Variants in ZNF286A observed in about 807,000 individuals in gnomAD.
ZNF286A encodes zinc finger protein ZNF286.
A neutral mutation model predicts 49.3 loss-of-function variants in ZNF286A; 34 were observed. The ratio of observed to expected loss-of-function variants is 0.69; its 90% confidence interval spans 0.52 to 0.92. The LOEUF is 0.92. ZNF286A is among the 40% of genes least tolerant of loss of function. The pLI is 0.00. For synonymous variants in ZNF286A, 155 were observed against 200.4 expected (o/e 0.77, Z 1.91); for missense variants, 462 against 600.2 (o/e 0.77, Z 2.41).
intron 4 of ZNF286A, among the ~76,000 whole-genome samples, chr17:15,707,375 G>A (rs931042542): frequency 2.0e-5 from 3 of 151,088 alleles, no homozygotes; most frequent in Non-Finnish European, 4.4e-5. Context: ...GGGAGGCGGA[G>A]CTTGCAGTGA....
rs1443033150 is a variant in ZNF286A, at chr17:15,717,311, A to G, written c.*21A>G. On this transcript the variant is annotated 3_prime_UTR_variant, in exon 6 of 6. Coordinates refer to ENST00000583566, the MANE Select transcript of ZNF286A (RefSeq NM_001130842.2). Reference sequence around the variant, plus strand: ...CCTGAAAAATTACTGAATGTGAAGAAATGTAAGTTGGTTTTATCACTGTAT... The same window carrying G: ...CCTGAAAAATTACTGAATGTGAAGAGATGTAAGTTGGTTTTATCACTGTAT... 1 of 1,515,994 alleles carries G rather than the reference A, an allele frequency of 6.6e-7. No individual in the cohort carries two copies. The highest frequency in any genetic ancestry group is 2.1e-5 in the Admixed American group (1 of 47,350). 93.9% of individuals were successfully genotyped at this position (1,515,994 alleles called of 1,614,324 possible).
At chr17:15,705,286 AC>A (rs940721101) in intron 3 of ZNF286A, among the ~76,000 whole-genome samples, 1 of 152,194 alleles carries the variant, frequency 6.6e-6, no homozygotes, top group African/African-American at 2.4e-5. Context: ...TTGGCATAAT[AC>A]TATAACCTAC....
intron 5 of ZNF286A, among the ~76,000 whole-genome samples, chr17:15,714,628 A>C (rs1378591317): frequency 1.3e-5 from 2 of 152,186 alleles, no homozygotes; most frequent in African/African-American, 2.4e-5. Context: ...AAAGAGGTTA[A>C]ATAACTTATC....
rs147483399 is a variant in ZNF286A, at chr17:15,701,156, G to A, written c.42G>A (p.Leu14=). The change falls in exon 3 of 6, where the codon CTG becomes CTA. Residue 14 remains leucine, a synonymous_variant. Transcript: ENST00000583566. ...TTACTGCTTTCTTGTCGTTAGCTCT[G>A]TCTTCCCAGGATTCTCCCCATTTCC... is the stretch of plus-strand genomic sequence containing the variant. ...DLAEMPEKGA[L]SSQDSPHFQE... The A allele has an allele frequency of 2.3e-4, 364 of 1,614,112 alleles. No homozygotes were observed. The African/African-American group carries it at 4.3e-3, about 19-fold the overall frequency.
intron 5 of ZNF286A, 110 bp downstream of exon 5, chr17:15,708,357 T>A (rs1990397776): frequency 5.5e-6 from 4 of 733,800 alleles, no homozygotes; most frequent in East Asian, 6.4e-5. Flanking sequence ...TAAATTTTTT[T>A]AAAATTCTAA....
chr17:15,708,206 C>T lies in ZNF286A; in HGVS notation c.293C>T (p.Pro98Leu), dbSNP rs144677558. The T allele has an allele frequency of 6.5e-4, 1,037 of 1,594,770 alleles. 2 individuals carry two copies. Among genetic ancestry groups the T allele is most frequent in the Non-Finnish European group, 8.2e-4 (965 of 1,170,912 alleles). The change falls in exon 5 of 6, where the codon CCA becomes CTA. Residue 98 changes from proline (P) to leucine (L), a missense_variant. This residue lies in a region of ZNF286A where 259 missense variants were observed against 272.2 expected (regional missense o/e 0.95). Transcript: ENST00000583566. ...ESYNLENGKE[P>L]LKLERKAPKS... ...TACAACTTGGAGAATGGAAAAGAACCATTGAAGCTTGAGAGAAAAGCCCCC... is the reference window on the plus strand; with the variant it reads ...TACAACTTGGAGAATGGAAAAGAACTATTGAAGCTTGAGAGAAAAGCCCCC...
chr17:15,714,831 G>T (rs1398793818), intron 5 of ZNF286A, among the ~76,000 whole-genome samples: 3 of 151,940 alleles, frequency 2.0e-5, no homozygotes, highest in Non-Finnish European at 2.9e-5. Flanking sequence ...ATAGATGAAT[G>T]AATATAATTT....
intron 3 of ZNF286A, among the ~76,000 whole-genome samples, chr17:15,703,104 A>G (rs1351943254): frequency 6.6e-6 from 1 of 152,202 alleles, no homozygotes; most frequent in African/African-American, 2.4e-5. Context: ...GTAATTCTTT[A>G]TAGAATATAC....
intron 5 of ZNF286A, chr17:15,709,690 A>G: frequency 2.1e-6 from 2 of 932,556 alleles, no homozygotes; most frequent in African/African-American, 3.4e-5. Context: ...TGATTTCTTA[A>G]AGTTCACATT....
chr17:15,711,743 A>G (rs1295357196), intron 5 of ZNF286A, among the ~76,000 whole-genome samples: 3 of 152,148 alleles, frequency 2.0e-5, no homozygotes, highest in East Asian at 1.9e-4. Context: ...AAAATTATTT[A>G]GCAAAGTAGG....
chr17:15,711,900 C>T (rs1439259899), intron 5 of ZNF286A, among the ~76,000 whole-genome samples: 1 of 105,774 alleles, frequency 9.5e-6, no homozygotes, highest in Non-Finnish European at 1.7e-5. Flanking sequence ...GAGATGGAGT[C>T]TCGCTCTATT....
In ZNF286A at chr17:15,706,470, G is replaced by C. The variant is rs774426118; in HGVS notation, c.210G>C (p.Met70Ile). 1.2e-6 allele frequency: 2 copies of C among 1,612,840 alleles called. No individual in the cohort carries two copies. Among genetic ancestry groups the C allele is most frequent in the Admixed American group, 3.3e-5 (2 of 59,872 alleles). Residue 70 changes from methionine (M) to isoleucine (I), a missense_variant, in exon 4 of 6, where the codon ATG (methionine) becomes ATC (isoleucine). Physicochemically the swap from Met to Ile is conservative, Grantham distance 10 (BLOSUM62 1). Transcript: ENST00000583566. Reference sequence around the variant, plus strand: ...TGGATCCTGCACAAAGGGATGTGATGCTGGAGAACTATAGGAACCTAGTCT... The same window carrying C: ...TGGATCCTGCACAAAGGGATGTGATCCTGGAGAACTATAGGAACCTAGTCT... ...GKLDPAQRDV[M>I]LENYRNLVSL...
At position 15,718,539 on chromosome 17, in the gene ZNF286A, A is replaced by G. The variant is rs1241014134; in HGVS notation, c.*1249A>G. On this transcript the variant is annotated 3_prime_UTR_variant, in exon 6 of 6. Coordinates refer to ENST00000583566, the MANE Select transcript of ZNF286A (RefSeq NM_001130842.2). ...AGTGGTTCAGTGTGTTATTATATTTAGGGTCCCAGTAAAGAAGAACTGAAG... is the reference window on the plus strand; with the variant it reads ...AGTGGTTCAGTGTGTTATTATATTTGGGGTCCCAGTAAAGAAGAACTGAAG... The G allele has an allele frequency of 1.3e-5, 2 of 150,084 alleles. No homozygotes were observed. Among genetic ancestry groups the G allele is most frequent in the Non-Finnish European group, 3.0e-5 (2 of 67,732 alleles). 9.3% of individuals were successfully genotyped at this position (150,084 alleles called of 1,614,324 possible).
chr17:15,707,513 C>A (rs1298533757), intron 4 of ZNF286A, among the ~76,000 whole-genome samples: 1 of 151,888 alleles, frequency 6.6e-6, no homozygotes, highest in African/African-American at 2.4e-5. Context: ...GATAAAACTT[C>A]AGTTACCACC....
At position 15,719,823 on chromosome 17, in the gene ZNF286A, G is replaced by C. The variant is rs1040890477; in HGVS notation, c.*2533G>C. 1.3e-5 allele frequency: 2 copies of C among 152,142 alleles called. No homozygotes were observed. The highest frequency in any genetic ancestry group is 2.9e-5 in the Non-Finnish European group (2 of 68,040). 9.4% of individuals were successfully genotyped at this position (152,142 alleles called of 1,614,324 possible). A position where few individuals can be genotyped will look rare whatever the true frequency, so the allele number is the denominator to read the frequency against. On this transcript the variant is annotated 3_prime_UTR_variant, in exon 6 of 6. Coordinates refer to ENST00000583566, the MANE Select transcript of ZNF286A (RefSeq NM_001130842.2). The stretch of plus-strand genomic sequence containing the variant: ...CAGAGCATTCATCAAGTCAGATAAA[G>C]GGTTTAAACCAGTCAGAGAAACTAG...
Position 15,716,990 on chromosome 17 carries a change from C to G in ZNF286A, c.1266C>G (p.Ser422Arg). ...CSECGKTFSQ[S>R]THLVQHQRIH... ...AATGTGGAAAAACTTTTAGTCAGAG[C>G]ACACATCTTGTTCAACATCAGAGAA... The change falls in exon 6 of 6, where the codon AGC becomes AGG. Residue 422 changes from serine (S) to arginine (R), a missense_variant. Ser to Arg is a moderately radical substitution (Grantham distance 110). This residue lies in a region of ZNF286A where 201 missense variants were observed against 311.3 expected (regional missense o/e 0.65). Transcript: ENST00000583566. 6.2e-7 allele frequency: 1 copy of G among 1,613,458 alleles called. No homozygotes were observed. The highest frequency in any genetic ancestry group is 2.2e-5 in the East Asian group (1 of 44,830).
intron 3 of ZNF286A, among the ~76,000 whole-genome samples, chr17:15,703,102 T>G (rs1055856575): frequency 4.5e-4 from 68 of 152,280 alleles, no homozygotes; most frequent in African/African-American, 1.5e-3. Flanking sequence ...GTGTAATTCT[T>G]TATAGAATAT....
At chr17:15,701,082 G>A (rs4792654) in intron 2 of ZNF286A, 70 bp from the exon 3 acceptor site, 551,548 of 1,203,308 alleles carry the variant, frequency 0.46, 112,816 homozygotes, top group East Asian at 0.61. Context: ...ATGTTGAAGT[G>A]GTTTTTAGAC....
intron 3 of ZNF286A, among the ~76,000 whole-genome samples, chr17:15,703,087 T>C (rs1486949829): frequency 6.6e-6 from 1 of 152,156 alleles, no homozygotes; most frequent in Non-Finnish European, 1.5e-5. Context: ...ATTGGCCAAA[T>C]TTAAGTGTAA....
Sources: allele counts gnomAD v4.1 joint callset (sites outside exome capture counted in the v4.1 genomes callset), GRCh38; gene constraint gnomAD v4.1.1; regional missense constraint gnomAD v4.1.1; transcripts MANE v1.5; gene names NCBI Gene and HGNC (gene_info 2026-07-23, HGNC 2026-07-21).